Variants in FBXW11 observed in about 807,000 individuals in gnomAD.
FBXW11 encodes F-box and WD repeat domain containing 11.
A neutral mutation model predicts 77.6 loss-of-function variants in FBXW11; 19 were observed. That is an observed-to-expected ratio of 0.24 (90% CI 0.17 to 0.36). The LOEUF (loss-of-function observed/expected upper bound fraction) is 0.36. Ranked by LOEUF, FBXW11 falls within the 10% of genes least tolerant of loss-of-function variation. The pLI, the probability that FBXW11 is intolerant of heterozygous loss-of-function variation, is 1.00. For synonymous variants in FBXW11, 235 were observed against 249.4 expected (o/e 0.94, Z 0.54); for missense variants, 334 against 704.2 (o/e 0.47, Z 5.95).
chr5:171,952,209 C>G lies in FBXW11; in HGVS notation c.147+5388G>C, dbSNP rs377110742. 4.2e-4 allele frequency among the ~76,000 whole-genome samples: 63 copies of G among 151,334 alleles called. No homozygotes were observed. In the East Asian group the frequency reaches 0.011, roughly 27 times the overall value. On this transcript the variant is annotated intron_variant, in intron 2 of 13. Transcript: ENST00000517395. The stretch of plus-strand genomic sequence containing the variant: ...ACACTGCACAATTTGATGGATTCCT[C>G]CCTACCGAACAGACAGGAGGAAGTA...
intron 2 of FBXW11, among the ~76,000 whole-genome samples, chr5:171,953,499 C>CA (rs201510588): frequency 1.3e-5 from 2 of 152,134 alleles, no homozygotes; most frequent in Non-Finnish European, 2.9e-5. Flanking sequence ...CGACCCTGAA[C>CA]AAAAACAGCC....
chr5:171,899,900 AC>A lies in FBXW11; in HGVS notation c.623+13del. 6.3e-7 allele frequency: 1 copy of A among 1,579,506 alleles called. No individual in the cohort carries two copies. Among genetic ancestry groups the A allele is most frequent in the Non-Finnish European group, 8.6e-7 (1 of 1,162,844 alleles). ...TAAAATTTTTTCAAGGGAACAAGCA[AC>A]CCAAGTACTTACCACCCTCTTCTTT... On this transcript the variant is annotated intron_variant, in intron 5 of 13. Transcript: ENST00000517395.
At chr5:171,941,397 C>A (rs1399612325) in intron 2 of FBXW11, among the ~76,000 whole-genome samples, 1 of 151,654 alleles carries the variant, frequency 6.6e-6, no homozygotes, top group Non-Finnish European at 1.5e-5. Context: ...CTCTTCCAGA[C>A]TGAAAAAAAC....
intron 1 of FBXW11, among the ~76,000 whole-genome samples, chr5:171,982,054 T>C (rs1765175622): frequency 6.6e-6 from 1 of 152,146 alleles, no homozygotes; most frequent in Non-Finnish European, 1.5e-5. Context: ...GGGAAGTTTT[T>C]TGGGGTGACG....
intron 1 of FBXW11, chr5:171,977,771 T>A (rs1764920777): frequency 2.9e-6 from 1 of 347,076 alleles, no homozygotes; most frequent in Non-Finnish European, 5.7e-6. Flanking sequence ...AAAGATCAGA[T>A]CTCGTGAGAC....
At chr5:171,987,180 G>T (rs1016193034) in intron 1 of FBXW11, among the ~76,000 whole-genome samples, 4 of 152,140 alleles carry the variant, frequency 2.6e-5, no homozygotes, top group Non-Finnish European at 1.5e-5. Context: ...GTGCCAAAAA[G>T]GTTGGAGACC....
intron 7 of FBXW11, among the ~76,000 whole-genome samples, chr5:171,882,162 C>T (rs1269992866): frequency 1.3e-5 from 2 of 152,198 alleles, no homozygotes; most frequent in Non-Finnish European, 2.9e-5. Context: ...GCTTAGATGA[C>T]TGATTTTTAG....
intron 2 of FBXW11, among the ~76,000 whole-genome samples, chr5:171,917,835 T>C (rs1210096039): frequency 6.6e-6 from 1 of 151,938 alleles, no homozygotes; most frequent in Non-Finnish European, 1.5e-5. Flanking sequence ...ATATTTTATA[T>C]ATATGTCTCT....
intron 1 of FBXW11, among the ~76,000 whole-genome samples, chr5:171,960,982 T>C (rs1167106938): frequency 1.3e-5 from 2 of 152,218 alleles, no homozygotes; most frequent in Non-Finnish European, 2.9e-5. Flanking sequence ...TACTGTAAGA[T>C]ATAAAGAATG....
intron 1 of FBXW11, among the ~76,000 whole-genome samples, chr5:171,989,183 T>C (rs539078742): frequency 1.3e-3 from 200 of 152,194 alleles, no homozygotes; most frequent in African/African-American, 4.5e-3. Context: ...TTTAAAATAA[T>C]AAAATAAAAA....
chr5:171,998,796 CA>C (rs34476350), intron 1 of FBXW11, among the ~76,000 whole-genome samples: 13,950 of 60,010 alleles, frequency 0.23, 974 homozygotes, highest in African/African-American at 0.42. Flanking sequence ...GACTCCGTCT[CA>C]AAAAAAAAAA....
chr5:171,994,768 T>C (rs1765936696), intron 1 of FBXW11, among the ~76,000 whole-genome samples: 1 of 151,836 alleles, frequency 6.6e-6, no homozygotes, highest in Non-Finnish European at 1.5e-5. Flanking sequence ...AAGTGAAAAA[T>C]GGCTCACACC....
At chr5:171,880,948 G>A (rs746150531) in intron 7 of FBXW11, among the ~76,000 whole-genome samples, 2 of 152,118 alleles carry the variant, frequency 1.3e-5, no homozygotes, top group African/African-American at 2.4e-5. Context: ...CACCCACCTC[G>A]GCCTCCCTAA....
At chr5:171,978,246 G>A (rs1399042262) in intron 1 of FBXW11, among the ~76,000 whole-genome samples, 1 of 152,198 alleles carries the variant, frequency 6.6e-6, no homozygotes, top group Non-Finnish European at 1.5e-5. Context: ...GACTCAGGAG[G>A]AAAACAGAGG....
At chr5:171,996,738 T>G (rs1766077359) in intron 1 of FBXW11, among the ~76,000 whole-genome samples, 1 of 152,152 alleles carries the variant, frequency 6.6e-6, no homozygotes, top group Non-Finnish European at 1.5e-5. Flanking sequence ...TGATCCACAC[T>G]CAAACATGGC....
chr5:171,963,538 G>A (rs1197247627), intron 1 of FBXW11, among the ~76,000 whole-genome samples: 1 of 152,180 alleles, frequency 6.6e-6, no homozygotes, highest in East Asian at 1.9e-4. Context: ...CCCATCAGTA[G>A]TTGGCCCAAT....
intron 7 of FBXW11, among the ~76,000 whole-genome samples, chr5:171,889,574 G>C (rs1249788772): frequency 6.7e-6 from 1 of 149,532 alleles, no homozygotes; most frequent in Non-Finnish European, 1.5e-5. Context: ...CCATTAAAGA[G>C]ATCATTAAGA....
At chr5:171,889,335 C>T (rs969726191) in intron 7 of FBXW11, among the ~76,000 whole-genome samples, 101 of 151,980 alleles carry the variant, frequency 6.6e-4, no homozygotes, top group African/African-American at 2.2e-3. Flanking sequence ...CAAGACCAGC[C>T]GGGTCAACAT....
chr5:171,902,020 T>C (rs182944767), intron 4 of FBXW11, among the ~76,000 whole-genome samples: 1 of 152,316 alleles, frequency 6.6e-6, no homozygotes, highest in Non-Finnish European at 1.5e-5. Context: ...ATTATTATAA[T>C]ATTTCCCTCC....
Sources: allele counts gnomAD v4.1 joint callset (sites outside exome capture counted in the v4.1 genomes callset), GRCh38; gene constraint gnomAD v4.1.1; transcripts MANE v1.5; gene names NCBI Gene and HGNC (gene_info 2026-07-23, HGNC 2026-07-21).